The following MAP4K5 variants were observed in gnomAD, a reference collection of about 807,000 sequenced individuals.
MAP4K5 encodes the protein MAPK/ERK kinase kinase kinase 5.
A neutral mutation model predicts 135.6 loss-of-function variants in MAP4K5; 82 were observed. The ratio of observed to expected loss-of-function variants is 0.60; its 90% CI spans 0.51 to 0.73. The LOEUF is 0.73. Among genes scored for constraint, MAP4K5 ranks in the 30% least tolerant of loss-of-function variants. The probability of loss-of-function intolerance (pLI) is 0.00; values close to 1 mark genes in which losing one functional copy is unlikely to be tolerated. For missense variants in MAP4K5, 907 were observed against 1,010.9 expected (o/e 0.90, Z 1.39); for synonymous variants, 347 against 335.0 (o/e 1.04, Z -0.39).
chr14:50,560,324 C>A (rs972677846), intron 1 of MAP4K5: 2 of 1,612,776 alleles, frequency 1.2e-6, no homozygotes, highest in Non-Finnish European at 1.7e-6. Flanking sequence ...AGAACTTCTG[C>A]AGCCTGCACG....
At chr14:50,458,613 A>G (rs1228219445) in intron 13 of MAP4K5, among the ~76,000 whole-genome samples, 1 of 151,976 alleles carries the variant, frequency 6.6e-6, no homozygotes. Flanking sequence ...TCTTCTTTCA[A>G]TGTTCCTTAT....
At position 50,440,342 on chromosome 14, in the gene MAP4K5, G is replaced by T. The variant is rs1172620489; in HGVS notation, c.1644+20C>A. 4.7e-6 allele frequency: 7 copies of T among 1,489,674 alleles called. No homozygotes were observed. The highest frequency in any genetic ancestry group is 2.4e-5 in the South Asian group (2 of 84,532). The allele number at this position is 1,489,674 out of a possible 1,614,324, so 92.3% of individuals were successfully genotyped here. A position where few individuals can be genotyped will look rare whatever the true frequency, so the allele number is the denominator to read the frequency against. ...TTCAATTTGTTTAAATTAATTTCTT[G>T]AATTAAAATGCCTAATTACCTGTTC... is the stretch of plus-strand genomic sequence containing the variant. On this transcript the variant is annotated intron_variant, in intron 22 of 32. Transcript: ENST00000682126.
intron 11 of MAP4K5, 125 bp downstream of exon 11, chr14:50,466,458 G>A (rs1408115674): frequency 2.2e-6 from 1 of 451,640 alleles, no homozygotes; most frequent in African/African-American, 2.0e-5. Flanking sequence ...CAAATCAGCT[G>A]TGTAACTTTG....
chr14:50,444,085 T>C (rs770228837), intron 18 of MAP4K5, 49 bp from the exon 19 acceptor site: 3 of 1,280,170 alleles, frequency 2.3e-6, no homozygotes, highest in Non-Finnish European at 3.3e-6. Context: ...ATAAGCACTT[T>C]CCTTGAAAAA....
chr14:50,492,217 C>A (rs774345148), intron 3 of MAP4K5, among the ~76,000 whole-genome samples: 6 of 152,180 alleles, frequency 3.9e-5, no homozygotes, highest in African/African-American at 1.4e-4. Context: ...ATCCATGACA[C>A]TGGATTTGGT....
chr14:50,447,305 A>C (rs1189350303), intron 16 of MAP4K5, 109 bp downstream of exon 16: 10 of 655,294 alleles, frequency 1.5e-5, no homozygotes, highest in Non-Finnish European at 2.3e-5. Context: ...CATTAATGGC[A>C]TAACTTTTTC....
At chr14:50,542,251 G>A (rs1328569490) in intron 2 of MAP4K5, among the ~76,000 whole-genome samples, 13 of 145,144 alleles carry the variant, frequency 9.0e-5, no homozygotes, top group African/African-American at 3.4e-4. Flanking sequence ...TGGACACAGG[G>A]AGGGGAACAT....
intron 23 of MAP4K5, 32 bp downstream of exon 23, chr14:50,439,981 C>G (rs759445939): frequency 6.9e-7 from 1 of 1,451,856 alleles, no homozygotes; most frequent in African/African-American, 1.5e-5. Context: ...CTCTGCTTAT[C>G]TATGGTTTAT....
At chr14:50,512,176 TG>T (rs2037944252) in intron 2 of MAP4K5, among the ~76,000 whole-genome samples, 1 of 152,188 alleles carries the variant, frequency 6.6e-6, no homozygotes, top group Non-Finnish European at 1.5e-5. Flanking sequence ...ATGTACTATG[TG>T]CTTTATTACT....
At chr14:50,423,390 TAGA>T (rs1178594323) in intron 31 of MAP4K5, among the ~76,000 whole-genome samples, 1 of 151,270 alleles carries the variant, frequency 6.6e-6, no homozygotes, top group Non-Finnish European at 1.5e-5. Flanking sequence ...GTACTCTACT[TAGA>T]AGAACTCTTT....
At chr14:50,536,993 T>C (rs1336081130), upstream of MAP4K5, among the ~76,000 whole-genome samples, 1 of 152,240 alleles carries the variant, frequency 6.6e-6, no homozygotes, top group East Asian at 1.9e-4. Flanking sequence ...TTTGCATAAG[T>C]AACGAAAAGC....
At chr14:50,461,489 A>G (rs2036709978) in intron 13 of MAP4K5, among the ~76,000 whole-genome samples, 1 of 152,202 alleles carries the variant, frequency 6.6e-6, no homozygotes, top group South Asian at 2.1e-4. Flanking sequence ...AAATGGAATC[A>G]TAAAAGGAGA....
chr14:50,527,653 T>C (rs1282877796), intron 2 of MAP4K5, among the ~76,000 whole-genome samples: 1 of 152,136 alleles, frequency 6.6e-6, no homozygotes, highest in South Asian at 2.1e-4. Flanking sequence ...CAAATATTTA[T>C]TGAGCATTTG....
chr14:50,454,950 G>C (rs1204586369), intron 14 of MAP4K5, among the ~76,000 whole-genome samples: 2 of 151,866 alleles, frequency 1.3e-5, no homozygotes, highest in Non-Finnish European at 2.9e-5. Context: ...AGTTCTAACA[G>C]ATATTATCAA....
intron 3 of MAP4K5, among the ~76,000 whole-genome samples, chr14:50,488,012 T>C (rs1450000072): frequency 3.3e-5 from 5 of 151,984 alleles, no homozygotes; most frequent in South Asian, 2.1e-4. Flanking sequence ...TATTAACACA[T>C]ATATATATAG....
intron 10 of MAP4K5, 93 bp from the exon 11 acceptor site, chr14:50,466,738 C>G (rs2036843124): frequency 1.6e-6 from 1 of 623,902 alleles, no homozygotes; most frequent in Admixed American, 2.5e-5. Context: ...ACAAGACTAC[C>G]ACATAAGTGG....
chr14:50,466,975 AATAC>A (rs1003239386), intron 10 of MAP4K5, among the ~76,000 whole-genome samples: 6 of 152,182 alleles, frequency 3.9e-5, no homozygotes, highest in African/African-American at 1.4e-4. Flanking sequence ...ATAATTCTCT[AATAC>A]ATAGAGATGA....
chr14:50,446,930 T>C (rs1035942735), intron 16 of MAP4K5, among the ~76,000 whole-genome samples: 1 of 152,218 alleles, frequency 6.6e-6, no homozygotes, highest in African/African-American at 2.4e-5. Context: ...TTTCAACCAT[T>C]AAAAATGTAT....
chr14:50,552,089 A>T (rs533926528), intron 1 of MAP4K5, among the ~76,000 whole-genome samples: 1 of 152,314 alleles, frequency 6.6e-6, no homozygotes, highest in South Asian at 2.1e-4. Flanking sequence ...TTCGCCGATG[A>T]TATGATCATG....
Sources: gnomAD v4.1 joint callset for allele counts (sites outside exome capture counted in the v4.1 genomes callset) on GRCh38, gnomAD v4.1.1 for gene constraint, MANE v1.5 for transcripts, NCBI Gene and HGNC (gene_info 2026-07-23, HGNC 2026-07-21) for gene names.